Variants in DAB1 observed in about 807,000 individuals in gnomAD.
DAB1 encodes the protein disabled homolog 1.
In DAB1, 15 loss-of-function variants were observed where a neutral mutation model predicts 64.6. The observed-to-expected ratio is 0.23, with a 90% confidence interval of 0.16 to 0.36. The LOEUF is 0.36. Ranked by LOEUF, DAB1 falls within the 10% of genes least tolerant of loss-of-function variation. The pLI is 1.00. For synonymous variants in DAB1, 235 were observed against 251.9 expected (o/e 0.93, Z 0.64); for missense variants, 596 against 706.7 (o/e 0.84, Z 1.78).
At chr1:58,129,274 G>A (rs1428170158) in intron 5 of DAB1, among the ~76,000 whole-genome samples, 5 of 151,528 alleles carry the variant, frequency 3.3e-5, no homozygotes, top group African/African-American at 1.2e-4. Context: ...CCTGATGGCA[G>A]TTTGTATTTC....
chr1:57,831,261 C>T (rs191252224), intron 1 of DAB1, among the ~76,000 whole-genome samples: 2 of 152,240 alleles, frequency 1.3e-5, no homozygotes, highest in African/African-American at 4.8e-5. Context: ...CTGTGTGACC[C>T]TTCCTGGGAG....
intron 1 of DAB1, among the ~76,000 whole-genome samples, chr1:57,377,677 T>G (rs957784533): frequency 4.6e-5 from 7 of 152,166 alleles, no homozygotes; most frequent in African/African-American, 1.7e-4. Flanking sequence ...AATTACTACA[T>G]GTCACCTAAG....
At chr1:57,365,648 T>C (rs1265397170) in intron 1 of DAB1, among the ~76,000 whole-genome samples, 1 of 152,052 alleles carries the variant, frequency 6.6e-6, no homozygotes, top group Admixed American at 6.6e-5. Context: ...GGAGAGGCCA[T>C]GATTCAAGTG....
intron 7 of DAB1, among the ~76,000 whole-genome samples, chr1:57,436,404 T>C (rs1385862640): frequency 6.6e-6 from 1 of 152,224 alleles, no homozygotes; most frequent in Non-Finnish European, 1.5e-5. Flanking sequence ...CGTTTCAATA[T>C]GTCTATTTTG....
chr1:57,492,418 T>C (rs111480124), intron 7 of DAB1, among the ~76,000 whole-genome samples: 15 of 152,288 alleles, frequency 9.8e-5, no homozygotes, highest in African/African-American at 3.6e-4. Flanking sequence ...AAGAGATTCA[T>C]AGCAAGAGAA....
intron 4 of DAB1, among the ~76,000 whole-genome samples, chr1:58,229,955 C>G (rs1018127552): frequency 5.3e-5 from 8 of 152,306 alleles, no homozygotes; most frequent in African/African-American, 1.9e-4. Flanking sequence ...GATGAGAACT[C>G]AGGTCTCTTT....
chr1:57,864,930 C>T (rs1317426480), intron 1 of DAB1: 1 of 152,058 alleles, frequency 6.6e-6, no homozygotes, highest in African/African-American at 2.4e-5. Context: ...CCAAAGAAGT[C>T]CCTGTAATTA....
In DAB1 at chr1:57,920,878, G is replaced by A. The variant is rs562253208; in HGVS notation, n.388-36716C>T. Among the ~76,000 whole-genome samples, 3 of 152,200 alleles carry A rather than the reference G, an allele frequency of 2.0e-5. No homozygotes were observed. In the South Asian group the frequency reaches 6.2e-4, roughly 32 times the overall value. ...TGGCACAACCCTTTTGATGCACACA[G>A]GGGCCCTATCTACCAACAATTTAAA... On this transcript the variant is annotated intron_variant and non_coding_transcript_variant, in intron 5 of 20. Transcript: ENST00000485760.
At chr1:58,434,907 T>C (rs1644924930) in intron 3 of DAB1, among the ~76,000 whole-genome samples, 1 of 152,204 alleles carries the variant, frequency 6.6e-6, no homozygotes, top group Non-Finnish European at 1.5e-5. Context: ...CCAACCATTT[T>C]ACCAAAGCTT....
intron 3 of DAB1, among the ~76,000 whole-genome samples, chr1:58,492,040 A>G (rs1645703539): frequency 6.6e-6 from 1 of 152,236 alleles, no homozygotes; most frequent in Non-Finnish European, 1.5e-5. Flanking sequence ...GCAAATTAAA[A>G]GAACAGAAAG....
chr1:57,908,925 C>T (rs1644599299), intron 5 of DAB1, among the ~76,000 whole-genome samples: 1 of 152,104 alleles, frequency 6.6e-6, no homozygotes, highest in South Asian at 2.1e-4. Flanking sequence ...CATGGTGCTG[C>T]TCTTCACTTT....
chr1:57,145,550 G>A (rs902311532), intron 2 of DAB1, 121 bp from the exon 3 acceptor site: 1 of 991,658 alleles, frequency 1.0e-6, no homozygotes, highest in Admixed American at 2.2e-5. Context: ...CAAATCACTG[G>A]ACTCAGGAGA....
At chr1:57,765,455 A>G (rs1004238903) in intron 6 of DAB1, among the ~76,000 whole-genome samples, 3 of 152,160 alleles carry the variant, frequency 2.0e-5, no homozygotes, top group Admixed American at 2.0e-4. Flanking sequence ...TTGGTTTTGT[A>G]GGGACAAAAT....
chr1:57,192,156 A>T (rs1282413140), intron 2 of DAB1, among the ~76,000 whole-genome samples: 1 of 152,090 alleles, frequency 6.6e-6, no homozygotes, highest in African/African-American at 2.4e-5. Context: ...GTCTCTACTA[A>T]AAATACAAAA....
At chr1:57,723,596 T>C (rs190714100) in intron 6 of DAB1, among the ~76,000 whole-genome samples, 25 of 152,330 alleles carry the variant, frequency 1.6e-4, no homozygotes, top group African/African-American at 6.0e-4. Context: ...CACAGACAAA[T>C]GGCAGGAGTG....
At chr1:57,807,445 C>T (rs1055847836) in intron 6 of DAB1, among the ~76,000 whole-genome samples, 4 of 152,160 alleles carry the variant, frequency 2.6e-5, no homozygotes, top group Non-Finnish European at 5.9e-5. Context: ...GGCCCCTGAC[C>T]AAATTAAAGT....
chr1:57,336,073 G>A (rs2100812028), intron 1 of DAB1, among the ~76,000 whole-genome samples: 1 of 152,334 alleles, frequency 6.6e-6, no homozygotes, highest in African/African-American at 2.4e-5. Context: ...TAACGCAGTT[G>A]TGCATTTACA....
chr1:57,220,668 T>C (rs1666794669), intron 2 of DAB1, among the ~76,000 whole-genome samples: 1 of 152,172 alleles, frequency 6.6e-6, no homozygotes, highest in Non-Finnish European at 1.5e-5. Context: ...TCATCACTGA[T>C]CGTCAGAGAA....
intron 5 of DAB1, among the ~76,000 whole-genome samples, chr1:57,961,336 G>A (rs1645516232): frequency 6.6e-6 from 1 of 151,856 alleles, no homozygotes; most frequent in African/African-American, 2.4e-5. Context: ...ATCGTACTGT[G>A]GAAAGCTCTT....
Sources: gnomAD v4.1 joint callset for allele counts (sites outside exome capture counted in the v4.1 genomes callset) on GRCh38, gnomAD v4.1.1 for gene constraint, MANE v1.5 for transcripts, NCBI Gene and HGNC (gene_info 2026-07-23, HGNC 2026-07-21) for gene names.